RSPH1: variants seen among roughly 807,000 people sequenced by gnomAD.
RSPH1 encodes the protein radial spoke head component 1, also known as radial spoke head 1 homolog.
In RSPH1, 32 loss-of-function variants were observed where a neutral mutation model predicts 44.2. The observed-to-expected ratio is 0.72, with a 90% CI of 0.55 to 0.97. RSPH1 has a LOEUF of 0.97. Among genes scored for constraint, RSPH1 ranks in the 50% least tolerant of loss-of-function variants. RSPH1 has a pLI of 0.00. For missense variants in RSPH1, 391 were observed against 398.7 expected (o/e 0.98, Z 0.16); for synonymous variants, 134 against 147.3 (o/e 0.91, Z 0.65).
In RSPH1 at chr21:42,486,359, T is replaced by C. The variant is rs1195580376; in HGVS notation, c.365+12A>G. On this transcript the variant is annotated intron_variant, in intron 4 of 8. Transcript: ENST00000291536. ...AAGCAAATCCCGTTAAGACCCAAGA[T>C]AGAAACCGAACCTTTGATGAGCAAA... is the stretch of plus-strand genomic sequence containing the variant. 1 of 1,593,796 alleles carries C rather than the reference T, an allele frequency of 6.3e-7. No homozygotes were observed. The highest frequency in any genetic ancestry group is 8.6e-7 in the Non-Finnish European group (1 of 1,161,526).
chr21:42,479,620 G>C (rs2054105113), intron 6 of RSPH1, among the ~76,000 whole-genome samples: 1 of 152,066 alleles, frequency 6.6e-6, no homozygotes, highest in African/African-American at 2.4e-5. Context: ...GATGAGAGGT[G>C]TCCAACCCCA....
chr21:42,493,170 A>G lies in RSPH1; in HGVS notation c.55-91T>C, dbSNP rs139988258. On this transcript the variant is annotated intron_variant, in intron 1 of 8. Coordinates refer to ENST00000291536, the MANE Select transcript of RSPH1 (RefSeq NM_080860.4). ...TTTGTAAATATCATACCCTTGAGTC[A>G]TCCCACTATGCTAAACCCCCGGCAC... 1.2e-3 allele frequency: 1,272 copies of G among 1,055,070 alleles called. 11 individuals carry two copies. In the East Asian group the frequency reaches 0.018, roughly 15 times the overall value. The allele number at this position is 1,055,070 out of a possible 1,614,324, so 65.4% of individuals were successfully genotyped here. A position where few individuals can be genotyped will look rare whatever the true frequency, so the allele number is the denominator to read the frequency against.
intron 8 of RSPH1, among the ~76,000 whole-genome samples, chr21:42,473,856 C>T (rs1172035795): frequency 6.6e-6 from 1 of 152,160 alleles, no homozygotes; most frequent in Non-Finnish European, 1.5e-5. Context: ...CCAGCAGCAC[C>T]TCCCTCACCA....
chr21:42,485,954 G>T, intron 4 of RSPH1, 150 bp from the exon 5 acceptor site: 1 of 985,856 alleles, frequency 1.0e-6, no homozygotes, highest in Non-Finnish European at 1.5e-6. Flanking sequence ...GTCAGAAGGT[G>T]CCCCTTGCTC....
intron 6 of RSPH1, among the ~76,000 whole-genome samples, chr21:42,478,662 C>T (rs2054095893): frequency 6.6e-6 from 1 of 152,204 alleles, no homozygotes; most frequent in African/African-American, 2.4e-5. Context: ...AGCGAAACAG[C>T]ATCACCATAT....
chr21:42,486,263 A>C lies in RSPH1; in HGVS notation c.365+108T>G, dbSNP rs373090070. 5.0e-5 allele frequency: 43 copies of C among 863,088 alleles called. 5 individuals carry two copies. The highest frequency in any genetic ancestry group is 9.8e-5 in the East Asian group (4 of 41,012). The allele number at this position is 863,088 out of a possible 1,614,324, so 53.5% of individuals were successfully genotyped here. On this transcript the variant is annotated intron_variant, in intron 4 of 8. Transcript: ENST00000291536. ...TTGGACCTGCCTGGCAGAGTTGGTA[A>C]CTGGGCTTTTGTTATGATTCTGTTC...
chr21:42,472,805 G>C lies in RSPH1; in HGVS notation c.*13C>G, dbSNP rs144361520. ...CATTCTTATGATACGATCTCCTCTC[G>C]GCTCACTTCATCTTAGTCCTGGAGG... On this transcript the variant is annotated 3_prime_UTR_variant, in exon 9 of 9. Transcript: ENST00000291536. 1 of 1,598,244 alleles carries C rather than the reference G, an allele frequency of 6.3e-7. No homozygotes were observed. Among genetic ancestry groups the C allele is most frequent in the Non-Finnish European group, 8.6e-7 (1 of 1,166,364 alleles).
At chr21:42,490,635 T>C (rs1401586577) in intron 3 of RSPH1, among the ~76,000 whole-genome samples, 1 of 152,198 alleles carries the variant, frequency 6.6e-6, no homozygotes, top group Non-Finnish European at 1.5e-5. Context: ...TATATGTTAG[T>C]GTGGCATAAT....
Position 42,486,440 on chromosome 21 carries a change from C to T in RSPH1, c.296G>A (p.Arg99Gln), listed in dbSNP as rs376824155. ...GTAGTAGTATACGCCATGGCCGTGC[C>T]GCAGGTCATTTGCCCACTCTCCTGA... is the stretch of plus-strand genomic sequence containing the variant. ...RYEGEWANDL[R>Q]HGHGVYYYIN... Residue 99 changes from arginine (R) to glutamine (Q), a missense_variant, in exon 4 of 9, where the codon CGG (arginine) becomes CAG (glutamine). Coordinates refer to ENST00000291536, the MANE Select transcript of RSPH1 (RefSeq NM_080860.4). 2.3e-5 allele frequency: 37 copies of T among 1,613,818 alleles called. No homozygotes were observed. In the African/African-American group the frequency reaches 4.3e-4, roughly 19 times the overall value.
rs1408374050 is a variant in RSPH1, at chr21:42,474,891, G to A, written c.877+1007C>T. The stretch of plus-strand genomic sequence containing the variant: ...GCTTTATGTGATTTCATTATTTCAG[G>A]TATTATTTTCAAAGGAATGGGAAGT... On this transcript the variant is annotated intron_variant, in intron 8 of 8. Coordinates refer to ENST00000291536, the MANE Select transcript of RSPH1 (RefSeq NM_080860.4). The surrounding 1 kb of genome is among the most constrained non-coding windows in gnomAD (Gnocchi z 5.2). Among the ~76,000 whole-genome samples, 1 of 149,446 alleles carries A rather than the reference G, an allele frequency of 6.7e-6. No individual in the cohort carries two copies. Among genetic ancestry groups the A allele is most frequent in the Non-Finnish European group, 1.5e-5 (1 of 68,010 alleles).
At chr21:42,492,721 C>T (rs750566433) in intron 3 of RSPH1, 37 bp downstream of exon 3, 10 of 1,271,448 alleles carry the variant, frequency 7.9e-6, no homozygotes, top group Non-Finnish European at 1.1e-5. Context: ...AGAAAAACTT[C>T]TGTAACACGA....
intron 6 of RSPH1, among the ~76,000 whole-genome samples, chr21:42,480,787 C>T (rs775584355): frequency 3.8e-4 from 57 of 151,850 alleles, no homozygotes; most frequent in Admixed American, 6.6e-4. Context: ...CAGCAGTGGG[C>T]GGCACAGAGC....
chr21:42,485,502 G>T, intron 5 of RSPH1, 167 bp downstream of exon 5: 1 of 710,220 alleles, frequency 1.4e-6, no homozygotes, highest in South Asian at 1.9e-5. Context: ...GTGCTCTGTG[G>T]GTACCAGAGG....
At chr21:42,481,879 G>C (rs1299290690) in intron 6 of RSPH1, among the ~76,000 whole-genome samples, 1 of 152,180 alleles carries the variant, frequency 6.6e-6, no homozygotes, top group Non-Finnish European at 1.5e-5. Context: ...TCAATGTAGT[G>C]TTAATATTAA....
At chr21:42,490,920 A>G (rs1729464081) in intron 3 of RSPH1, among the ~76,000 whole-genome samples, 1 of 152,112 alleles carries the variant, frequency 6.6e-6, no homozygotes, top group South Asian at 2.1e-4. Flanking sequence ...CTTGAGCAAG[A>G]TTTGTTGAGC....
Position 42,477,378 on chromosome 21 carries a change from T to C in RSPH1, c.640A>G (p.Ile214Val), listed in dbSNP as rs2054078569. 16 of 1,611,818 alleles carry C rather than the reference T, an allele frequency of 9.9e-6. No individual in the cohort carries two copies. The highest frequency in any genetic ancestry group is 1.4e-5 in the Non-Finnish European group (16 of 1,179,086). ...TVVPKWKATQ[I>V]TELALWTPTL... ...GGTGTCCACAGGGCCAATTCAGTGA[T>C]TTGGGTAGCTTTCCATTTTGGAACA... Residue 214 changes from isoleucine (I) to valine (V), a missense_variant, in exon 7 of 9, where the codon ATC becomes GTC. Coordinates refer to ENST00000291536, the MANE Select transcript of RSPH1 (RefSeq NM_080860.4).
intron 1 of RSPH1, 115 bp downstream of exon 1, chr21:42,496,018 G>A: frequency 8.4e-7 from 1 of 1,183,702 alleles, no homozygotes. Context: ...CGGGGATCCT[G>A]GGGAGCTGTG....
Position 42,474,330 on chromosome 21 carries a change from C to T in RSPH1, c.878-1460G>A, listed in dbSNP as rs943002394. Among the ~76,000 whole-genome samples the T allele has an allele frequency of 5.9e-5, 9 of 152,350 alleles. No homozygotes were observed. Among genetic ancestry groups the T allele is most frequent in the African/African-American group, 1.9e-4 (8 of 41,580 alleles). On this transcript the variant is annotated intron_variant, in intron 8 of 8. Transcript: ENST00000291536. This position sits in a 1 kb window ranked among gnomAD's most constrained non-coding sequence, Gnocchi z 5.2. Reference sequence around the variant, plus strand: ...GTTTCACCCATTCCTTGCCACCTCCCTCCCAGCTAACCCGGAGTTTCCTGG... The same window carrying T: ...GTTTCACCCATTCCTTGCCACCTCCTTCCCAGCTAACCCGGAGTTTCCTGG...
intron 7 of RSPH1, among the ~76,000 whole-genome samples, chr21:42,477,070 C>T (rs28473762): frequency 0.012 from 1,309 of 113,784 alleles, 46 homozygotes; most frequent in Non-Finnish European, 0.014. Flanking sequence ...CCCCCTCCAC[C>T]CCACAGCCCG....
Sources: allele counts gnomAD v4.1 joint callset (sites outside exome capture counted in the v4.1 genomes callset), GRCh38; gene constraint gnomAD v4.1.1; non-coding constraint Gnocchi (gnomAD v3.1); transcripts MANE v1.5; gene names NCBI Gene and HGNC (gene_info 2026-07-23, HGNC 2026-07-21).